The following IFNA10 variants were observed in gnomAD, a reference collection of about 807,000 sequenced individuals.
The protein encoded by IFNA10 is interferon alpha 10.
For missense variants in IFNA10, 246 were observed against 213.0 expected, an observed-to-expected ratio of 1.15 and a Z score of -0.96; for synonymous variants, 96 against 83.7, an observed-to-expected ratio of 1.15 and a Z score of -0.80.
At position 21,206,933 on chromosome 9, in the gene IFNA10, G is replaced by A. The variant is rs755101415; in HGVS notation, c.165C>T (p.Asp55=). 4 of 1,613,880 alleles carry A rather than the reference G, an allele frequency of 2.5e-6. No individual in the cohort carries two copies. The highest frequency in any genetic ancestry group is 3.4e-6 in the Non-Finnish European group (4 of 1,179,996). The change falls in exon 1 of 1, where the codon GAC becomes GAT. Residue 55 remains aspartate (D), a synonymous_variant. Transcript: ENST00000357374. The part of the protein sequence containing the change: ...GRISPFSCLK[D]RHDFRIPQEE... The stretch of plus-strand genomic sequence containing the variant: ...CCTGGGGGATTCGGAAATCATGTCT[G>A]TCCTTCAGGCAGGAGAAAGGAGAGA...
chr9:21,206,689 C>A, the IFNA10 span: 1 of 1,613,794 alleles, frequency 6.2e-7, no homozygotes, highest in African/African-American at 1.3e-5. Flanking sequence ...ATGGAGTCCT[C>A]ATTCATCAGG....
chr9:21,206,741 C>T lies in IFNA10; in HGVS notation c.357G>A (p.Leu119=). The stretch of plus-strand genomic sequence containing the variant: ...CAACCTCCTGTATCACACATGCTTC[C>T]AGGTCATTCAGTTGCTGGTAAAGTT... The part of the protein sequence containing the change: ...STELYQQLND[L]EACVIQEVGV... Residue 119 remains leucine, a synonymous_variant, in exon 1 of 1, where the codon CTG becomes CTA. Coordinates refer to ENST00000357374, the MANE Select transcript of IFNA10 (RefSeq NM_002171.2). 1 of 1,613,078 alleles carries T rather than the reference C, an allele frequency of 6.2e-7. No homozygotes were observed. Among genetic ancestry groups the T allele is most frequent in the Non-Finnish European group, 8.5e-7 (1 of 1,179,660 alleles).
chr9:21,206,580 C>A lies in IFNA10; in HGVS notation c.518G>T (p.Arg173Ile). ...AWEVVRAEIM[R>I]SLSFSTNLQK... ...CAAGTTTGTTGAAAACGAGAGGGAT[C>A]TCATGATTTCTGCTCTGACAACCTC... is the stretch of plus-strand genomic sequence containing the variant. Residue 173 changes from arginine to isoleucine, a missense_variant, in exon 1 of 1, where the codon AGA becomes ATA. By Grantham distance (97) the Arg-to-Ile change is moderately conservative. Transcript: ENST00000357374. 6.2e-7 allele frequency: 1 copy of A among 1,613,864 alleles called. No homozygotes were observed. The highest frequency in any genetic ancestry group is 8.5e-7 in the Non-Finnish European group (1 of 1,179,980).
rs888832945 is a variant in IFNA10, at chr9:21,206,265, A to T, written c.*263T>A. 3.4e-6 allele frequency: 1 copy of T among 296,020 alleles called. No individual in the cohort carries two copies. The highest frequency in any genetic ancestry group is 6.1e-6 in the Non-Finnish European group (1 of 164,912). The allele number at this position is 296,020 out of a possible 1,614,324, so 18.3% of individuals were successfully genotyped here. ...TATTGTTACATTAACCACAATGTAA[A>T]GCGACTCATGATATTACATAAATTT... On this transcript the variant is annotated 3_prime_UTR_variant, in exon 1 of 1. Transcript: ENST00000357374.
rs780680947 is a variant in IFNA10 at position 21,206,928 on chromosome 9, T to A, written c.170A>T (p.His57Leu). 2 of 1,613,788 alleles carry A rather than the reference T, an allele frequency of 1.2e-6. No individual in the cohort carries two copies. The highest frequency in any genetic ancestry group is 1.7e-6 in the Non-Finnish European group (2 of 1,180,002). The change falls in exon 1 of 1, where the codon CAT becomes CTT. Residue 57 changes from histidine to leucine, a missense_variant. Transcript: ENST00000357374. The part of the protein sequence containing the change: ...ISPFSCLKDR[H>L]DFRIPQEEFD... ...CTCCTCCTGGGGGATTCGGAAATCA[T>A]GTCTGTCCTTCAGGCAGGAGAAAGG...
rs773061201 is a variant in IFNA10 at position 21,206,909 on chromosome 9, C to T, written c.189G>A (p.Gln63=). 3 of 1,613,868 alleles carry T rather than the reference C, an allele frequency of 1.9e-6. No individual in the cohort carries two copies. The East Asian group carries it at 6.7e-5, about 36-fold the overall frequency. Reference sequence around the variant, plus strand: ...GGAACTGGTTGCCATCAAACTCCTCCTGGGGGATTCGGAAATCATGTCTGT... The same window carrying T: ...GGAACTGGTTGCCATCAAACTCCTCTTGGGGGATTCGGAAATCATGTCTGT... ...LKDRHDFRIP[Q]EEFDGNQFQK... Residue 63 remains glutamine (Q), a synonymous_variant, in exon 1 of 1, where the codon CAG becomes CAA. Coordinates refer to ENST00000357374, the MANE Select transcript of IFNA10 (RefSeq NM_002171.2).
the IFNA10 span, chr9:21,206,942 G>T: frequency 3.1e-6 from 5 of 1,613,744 alleles, no homozygotes; most frequent in African/African-American, 5.4e-5. Context: ...TGTCCTTCAG[G>T]CAGGAGAAAG....
rs746886118 is a variant in IFNA10 at position 21,206,943 on chromosome 9, C to G, written c.155G>C (p.Cys52Ser). The change falls in exon 1 of 1, where the codon TGC (cysteine) becomes TCC (serine). Residue 52 changes from cysteine (C) to serine (S), a missense_variant. Coordinates refer to ENST00000357374, the MANE Select transcript of IFNA10 (RefSeq NM_002171.2). ...TCGGAAATCATGTCTGTCCTTCAGGCAGGAGAAAGGAGAGATTCTTCCCAT... is the reference window on the plus strand; with the variant it reads ...TCGGAAATCATGTCTGTCCTTCAGGGAGGAGAAAGGAGAGATTCTTCCCAT... ...GQMGRISPFS[C>S]LKDRHDFRIP... 6.2e-7 allele frequency: 1 copy of G among 1,613,882 alleles called. No homozygotes were observed. The highest frequency in any genetic ancestry group is 1.7e-5 in the Admixed American group (1 of 59,986).
rs780019304 is a variant in IFNA10 at position 21,207,137 on chromosome 9, A to G, written c.-40T>C. ...TATTGCTAGGCTACTTGAGATGGAT[A>G]ACCTTGAACTTCGGCCTCTAGGTTT... On this transcript the variant is annotated 5_prime_UTR_variant, in exon 1 of 1. Transcript: ENST00000357374. The G allele has an allele frequency of 6.5e-7, 1 of 1,545,358 alleles. No individual in the cohort carries two copies. Among genetic ancestry groups the G allele is most frequent in the South Asian group, 1.3e-5 (1 of 79,488 alleles).
At position 21,207,043 on chromosome 9, in the gene IFNA10, T is replaced by G; in HGVS notation, c.55A>C (p.Ile19Leu). 1 of 1,611,606 alleles carries G rather than the reference T, an allele frequency of 6.2e-7. No homozygotes were observed. Among genetic ancestry groups the G allele is most frequent in the South Asian group, 1.1e-5 (1 of 90,922 alleles). Residue 19 changes from isoleucine to leucine, a missense_variant, in exon 1 of 1, where the codon ATC becomes CTC. By Grantham distance (5) the Ile-to-Leu change is conservative. Coordinates refer to ENST00000357374, the MANE Select transcript of IFNA10 (RefSeq NM_002171.2). Reference protein sequence around the residue: ...MAVLVLSYKSICSLGCDLPQT... With the variant: ...MAVLVLSYKSLCSLGCDLPQT... ...GGCAGATCACAGCCTAGAGAACAGA[T>G]GGATTTGTAGCTGAGCACCAGCACG...
Position 21,206,612 on chromosome 9 carries a change from A to G in IFNA10, c.486T>C (p.Cys162=). Residue 162 remains cysteine (C), a synonymous_variant, in exon 1 of 1, where the codon TGT becomes TGC. Transcript: ENST00000357374. ...LYLIERKYSP[C]AWEVVRAEIM... ...TTTCTGCTCTGACAACCTCCCAGGCACAAGGGCTGTATTTCCTCTCTATTA... is the reference window on the plus strand; with the variant it reads ...TTTCTGCTCTGACAACCTCCCAGGCGCAAGGGCTGTATTTCCTCTCTATTA... 4.3e-6 allele frequency: 7 copies of G among 1,613,976 alleles called. No homozygotes were observed. The highest frequency in any genetic ancestry group is 5.9e-6 in the Non-Finnish European group (7 of 1,180,006).
rs973391525 is a variant in IFNA10, at chr9:21,206,382, G to A, written c.*146C>T. ...GACTAGTGCCTGCACAGGTATACAC[G>A]ACACTTCTTTACACTGCTGAAAACA... On this transcript the variant is annotated 3_prime_UTR_variant, in exon 1 of 1. Transcript: ENST00000357374. 6.7e-6 allele frequency: 9 copies of A among 1,343,096 alleles called. No homozygotes were observed. The Admixed American group carries it at 7.1e-5, about 11-fold the overall frequency. 83.2% of individuals were successfully genotyped at this position (1,343,096 alleles called of 1,614,324 possible). A position where few individuals can be genotyped will look rare whatever the true frequency, so the allele number is the denominator to read the frequency against.
chr9:21,206,854 C>G lies in IFNA10; in HGVS notation c.244G>C (p.Glu82Gln), dbSNP rs761667542. 1.1e-5 allele frequency: 17 copies of G among 1,613,540 alleles called. No homozygotes were observed. In the Admixed American group the frequency reaches 1.8e-4, roughly 17 times the overall value. Residue 82 changes from glutamate (E) to glutamine (Q), a missense_variant, in exon 1 of 1, where the codon GAG becomes CAG. Glu to Gln is a conservative substitution (Grantham distance 29). Transcript: ENST00000357374. ...AGATTGAAGGTCTGCTGGATCATCT[C>G]ATGGAGGACAGAGATGGCTTGAGCC... ...QKAQAISVLH[E>Q]MIQQTFNLFS...
rs1350180960 is a variant in IFNA10, at chr9:21,206,970, T to A, written c.128A>T (p.Gln43Leu). 6.2e-7 allele frequency: 1 copy of A among 1,613,818 alleles called. No individual in the cohort carries two copies. Among genetic ancestry groups the A allele is most frequent in the African/African-American group, 1.3e-5 (1 of 74,726 alleles). Reference protein sequence around the residue: ...GNRRALILLGQMGRISPFSCL... With the variant: ...GNRRALILLGLMGRISPFSCL... ...GGAGAAAGGAGAGATTCTTCCCATT[T>A]GTCCCAGGAGTATCAAGGCCCTCCT... Residue 43 changes from glutamine (Q) to leucine (L), a missense_variant, in exon 1 of 1, where the codon CAA becomes CTA. Coordinates refer to ENST00000357374, the MANE Select transcript of IFNA10 (RefSeq NM_002171.2).
In IFNA10 at chr9:21,207,104, G is replaced by A; in HGVS notation, c.-7C>T. On this transcript the variant is annotated 5_prime_UTR_variant, in exon 1 of 1. Transcript: ENST00000357374. ...AAGAAAAGGACAGGGCCATTGGGATGTTGCAAATATTGCTAGGCTACTTGA... is the reference window on the plus strand; with the variant it reads ...AAGAAAAGGACAGGGCCATTGGGATATTGCAAATATTGCTAGGCTACTTGA... 3 of 1,590,902 alleles carry A rather than the reference G, an allele frequency of 1.9e-6. No homozygotes were observed. The highest frequency in any genetic ancestry group is 2.6e-6 in the Non-Finnish European group (3 of 1,170,242).
rs1324029602 is a variant in IFNA10 at position 21,206,991 on chromosome 9, C to G, written c.107G>C (p.Arg36Thr). Residue 36 changes from arginine to threonine, a missense_variant, in exon 1 of 1, where the codon AGG becomes ACG. Physicochemically the swap from Arg to Thr is moderately conservative, Grantham distance 71 (BLOSUM62 -1). Transcript: ENST00000357374. ...LPQTHSLGNR[R>T]ALILLGQMGR... ...CATTTGTCCCAGGAGTATCAAGGCC[C>G]TCCTATTACCCAGGCTGTGGGTCTG... is the stretch of plus-strand genomic sequence containing the variant. The G allele has an allele frequency of 3.7e-6, 6 of 1,613,802 alleles. No homozygotes were observed. The highest frequency in any genetic ancestry group is 5.1e-6 in the Non-Finnish European group (6 of 1,179,988).
rs779150080 is a variant in IFNA10 at position 21,206,898 on chromosome 9, T to A, written c.200A>T (p.Asp67Val). Residue 67 changes from aspartate to valine, a missense_variant, in exon 1 of 1, where the codon GAT (aspartate) becomes GTT (valine). By Grantham distance (152) the Asp-to-Val change is radical. Transcript: ENST00000357374. ...TTGAGCCTTCTGGAACTGGTTGCCA[T>A]CAAACTCCTCCTGGGGGATTCGGAA... ...HDFRIPQEEF[D>V]GNQFQKAQAI... The A allele has an allele frequency of 1.9e-6, 3 of 1,613,724 alleles. No homozygotes were observed. Among genetic ancestry groups the A allele is most frequent in the East Asian group, 4.5e-5 (2 of 44,894 alleles).
In IFNA10 at chr9:21,207,058, G is replaced by C; in HGVS notation, c.40C>G (p.Leu14Val). Reference sequence around the variant, plus strand: ...AGAGAACAGATGGATTTGTAGCTGAGCACCAGCACGGCCATAAGTAAAGAA... The same window carrying C: ...AGAGAACAGATGGATTTGTAGCTGACCACCAGCACGGCCATAAGTAAAGAA... ...SFSLLMAVLV[L>V]SYKSICSLGC... Residue 14 changes from leucine (L) to valine (V), a missense_variant, in exon 1 of 1, where the codon CTC (leucine) becomes GTC (valine). Coordinates refer to ENST00000357374, the MANE Select transcript of IFNA10 (RefSeq NM_002171.2). 6.2e-7 allele frequency: 1 copy of C among 1,611,512 alleles called. No individual in the cohort carries two copies.
In IFNA10 at chr9:21,206,533, C is replaced by T. The variant is rs149261728; in HGVS notation, c.565G>A (p.Asp189Asn). The change falls in exon 1 of 1, where the codon GAT becomes AAT. Residue 189 changes from aspartate (D) to asparagine (N), a missense_variant. Asp to Asn is a conservative substitution (Grantham distance 23). Transcript: ENST00000357374. ...TNLQKRLRRK[D>N] Reference sequence around the variant, plus strand: ...TTGCCATGTTGAACCAGTTTTCAATCCTTCCTCCTTAATCTTTTTTGCAAG... The same window carrying T: ...TTGCCATGTTGAACCAGTTTTCAATTCTTCCTCCTTAATCTTTTTTGCAAG... 652 of 1,613,398 alleles carry T rather than the reference C, an allele frequency of 4.0e-4. 1 individual carries two copies. In the Middle Eastern group the frequency reaches 4.5e-3, roughly 11 times the overall value.
Sources: allele counts gnomAD v4.1 joint callset, GRCh38; gene constraint gnomAD v4.1.1; transcripts MANE v1.5; gene names NCBI Gene and HGNC (gene_info 2026-07-23, HGNC 2026-07-21).